PRDM2: variants seen among roughly 807,000 people sequenced by gnomAD.
PRDM2 encodes the protein PR/SET domain 2.
A neutral mutation model predicts 130.0 loss-of-function variants in PRDM2; 30 were observed. The ratio of observed to expected loss-of-function variants is 0.23; its 90% CI spans 0.17 to 0.31. The LOEUF is 0.31. PRDM2 is among the 10% of genes least tolerant of loss of function. The probability of loss-of-function intolerance (pLI) is 1.00; values close to 1 mark genes in which losing one functional copy is unlikely to be tolerated. For synonymous variants in PRDM2, 871 were observed against 782.4 expected (o/e 1.11, Z -1.89); for missense variants, 2,011 against 2,108.4 (o/e 0.95, Z 0.90).
In PRDM2 at chr1:13,776,450, C is replaced by A. The variant is rs115286116; in HGVS notation, c.623-1968C>A. Among the ~76,000 whole-genome samples, 396 of 152,278 alleles carry A rather than the reference C, an allele frequency of 2.6e-3. 2 individuals are homozygous for A. Among genetic ancestry groups the A allele is most frequent in the African/African-American group, 9.2e-3 (383 of 41,566 alleles). Reference sequence around the variant, plus strand: ...GGGGACCATTCCTACTAGCACGAAACCGCGATTACAGCTTCCGTCTTTAAG... The same window carrying A: ...GGGGACCATTCCTACTAGCACGAAAACGCGATTACAGCTTCCGTCTTTAAG... On this transcript the variant is annotated intron_variant, in intron 7 of 9. Transcript: ENST00000311066.
intron 6 of PRDM2, among the ~76,000 whole-genome samples, chr1:13,758,536 A>G (rs1216195285): frequency 2.6e-5 from 4 of 151,794 alleles, no homozygotes; most frequent in Non-Finnish European, 5.9e-5. Flanking sequence ...TTTGTAATCT[A>G]TGCTTTCAAT....
chr1:13,788,103 A>G (rs748786213), intron 8 of PRDM2: 237 of 964,168 alleles, frequency 2.5e-4, no homozygotes, highest in Middle Eastern at 5.3e-4. Flanking sequence ...TGCATTTTGT[A>G]CATAATTGGG....
rs190283240 is a variant in PRDM2 at position 13,715,983 on chromosome 1, A to G, written c.9+369A>G. Reference sequence around the variant, plus strand: ...TTTATTTTGTGATTATTTGTTGGTTAAAAGACACATGCACACGTATGTTTA... The same window carrying G: ...TTTATTTTGTGATTATTTGTTGGTTGAAAGACACATGCACACGTATGTTTA... On this transcript the variant is annotated intron_variant, in intron 2 of 9. Transcript: ENST00000311066. Among the ~76,000 whole-genome samples, 625 of 152,276 alleles carry G rather than the reference A, an allele frequency of 4.1e-3. 5 individuals carry two copies. The highest frequency in any genetic ancestry group is 0.014 in the African/African-American group (582 of 41,542).
chr1:13,735,588 A>T (rs996556866), intron 4 of PRDM2, among the ~76,000 whole-genome samples: 1 of 151,834 alleles, frequency 6.6e-6, no homozygotes, highest in Non-Finnish European at 1.5e-5. Flanking sequence ...TTTTAGGTTC[A>T]TGGCAAAATT....
intron 8 of PRDM2, chr1:13,788,162 C>G (rs565307813): frequency 3.3e-6 from 3 of 901,706 alleles, no homozygotes; most frequent in South Asian, 5.1e-5. Context: ...GTTCAGAGCC[C>G]GCACTCTAAT....
At chr1:13,800,073 A>G (rs146182464) in intron 8 of PRDM2, among the ~76,000 whole-genome samples, 161 of 152,296 alleles carry the variant, frequency 1.1e-3, no homozygotes, top group African/African-American at 3.5e-3. Context: ...CCATTCATTC[A>G]TTCATTCATT....
intron 6 of PRDM2, among the ~76,000 whole-genome samples, chr1:13,767,647 C>G (rs1329580539): frequency 6.6e-6 from 1 of 151,896 alleles, no homozygotes; most frequent in African/African-American, 2.4e-5. Context: ...GCACTTGAAA[C>G]CAGTGAAATA....
Position 13,803,519 on chromosome 1 carries a change from C to T in PRDM2, c.5037-12908C>T, listed in dbSNP as rs1381158876. ...CCCATCATCAATGTCCCCAAATAAG[C>T]AGTGAGCCTAGTCCTGTCTCCTCAC... On this transcript the variant is annotated intron_variant, in intron 8 of 9. Coordinates refer to ENST00000311066, the MANE Select transcript of PRDM2 (RefSeq NM_001393986.1). This position sits in a 1 kb window ranked among gnomAD's most constrained non-coding sequence, Gnocchi z 6.2. 6.6e-6 allele frequency among the ~76,000 whole-genome samples: 1 copy of T among 152,076 alleles called. No homozygotes were observed.
At chr1:13,778,341 G>A (rs960442027) in intron 7 of PRDM2, 77 bp from the exon 8 acceptor site, 84 of 1,401,110 alleles carry the variant, frequency 6.0e-5, no homozygotes, top group Non-Finnish European at 7.2e-5. Context: ...GAAATAACTT[G>A]AATCATTCAG....
chr1:13,787,680 A>G (rs1377084203), intron 8 of PRDM2: 1 of 982,474 alleles, frequency 1.0e-6, no homozygotes, highest in Non-Finnish European at 1.2e-6. Context: ...TGGACGCTTC[A>G]ATTGTATTAT....
At chr1:13,716,396 C>T (rs1482784922) in intron 2 of PRDM2, among the ~76,000 whole-genome samples, 1 of 151,422 alleles carries the variant, frequency 6.6e-6, no homozygotes, top group Admixed American at 6.6e-5. Flanking sequence ...CACATGTATA[C>T]GTATGTAACT....
intron 6 of PRDM2, among the ~76,000 whole-genome samples, chr1:13,756,911 G>T (rs943321533): frequency 2.0e-5 from 3 of 152,208 alleles, no homozygotes; most frequent in African/African-American, 7.2e-5. Flanking sequence ...GCTCCGAGGG[G>T]TTATGTGCTT....
At chr1:13,706,053 T>G (rs907006931) in intron 1 of PRDM2, among the ~76,000 whole-genome samples, 1 of 150,814 alleles carries the variant, frequency 6.6e-6, no homozygotes, top group Non-Finnish European at 1.5e-5. Context: ...TCCTGACTGC[T>G]CTGTCTTTAA....
chr1:13,790,158 AT>A (rs1644816241), intron 8 of PRDM2, among the ~76,000 whole-genome samples: 1 of 152,180 alleles, frequency 6.6e-6, no homozygotes, highest in Non-Finnish European at 1.5e-5. Flanking sequence ...CCTGGGTAAT[AT>A]GTACTTTAAA....
intron 6 of PRDM2, among the ~76,000 whole-genome samples, chr1:13,752,144 A>T (rs1643863838): frequency 6.6e-6 from 1 of 152,266 alleles, no homozygotes; most frequent in African/African-American, 2.4e-5. Flanking sequence ...GACAGTTGGC[A>T]TGTAGTAGGC....
intron 2 of PRDM2, among the ~76,000 whole-genome samples, chr1:13,720,685 C>T (rs927509137): frequency 2.6e-5 from 4 of 152,092 alleles, no homozygotes; most frequent in African/African-American, 7.2e-5. Flanking sequence ...AAGTGCTTTC[C>T]GTTCAGTAAG....
At chr1:13,760,260 A>G (rs895436171) in intron 6 of PRDM2, among the ~76,000 whole-genome samples, 4 of 152,162 alleles carry the variant, frequency 2.6e-5, no homozygotes, top group Admixed American at 2.6e-4. Context: ...AGTACATGGA[A>G]TTGGTGAACT....
intron 4 of PRDM2, among the ~76,000 whole-genome samples, chr1:13,740,654 T>C (rs959296734): frequency 2.0e-5 from 3 of 152,214 alleles, no homozygotes; most frequent in African/African-American, 7.2e-5. Flanking sequence ...GGGAAAGTTA[T>C]TTAACTTTTG....
Position 13,778,877 on chromosome 1 carries a change from C to T in PRDM2, c.1082C>T (p.Pro361Leu), listed in dbSNP as rs1385092228. Residue 361 changes from proline (P) to leucine (L), a missense_variant, in exon 8 of 10, where the codon CCG (proline) becomes CTG (leucine). Transcript: ENST00000311066. ...NGDVFETFMF[P>L]CQHCERKFTT... ...GATGTATTTGAAACGTTTATGTTTC[C>T]GTGTCAACATTGTGAAAGGAAGTTT... 12 of 1,614,032 alleles carry T rather than the reference C, an allele frequency of 7.4e-6. No homozygotes were observed. The highest frequency in any genetic ancestry group is 3.3e-5 in the Admixed American group (2 of 60,004).
Sources: allele counts gnomAD v4.1 joint callset (sites outside exome capture counted in the v4.1 genomes callset), GRCh38; gene constraint gnomAD v4.1.1; non-coding constraint Gnocchi (gnomAD v3.1); transcripts MANE v1.5; gene names NCBI Gene and HGNC (gene_info 2026-07-23, HGNC 2026-07-21).